The following CSMD1 variants were observed in gnomAD, a reference collection of about 807,000 sequenced individuals.
CSMD1 encodes CUB and Sushi multiple domains 1.
In CSMD1, 213 loss-of-function variants were observed where a neutral mutation model predicts 417.5. That is an observed-to-expected ratio of 0.51 (90% confidence interval 0.46 to 0.57). CSMD1 has a LOEUF of 0.57. CSMD1 is among the 20% of genes least tolerant of loss of function. CSMD1 has a pLI of 0.00. For missense variants in CSMD1, 6,923 were observed against 4,529.7 expected (o/e 1.53, Z -15.17); for synonymous variants, 2,862 against 1,736.8 (o/e 1.65, Z -16.11).
At chr8:3,107,877 T>C (rs866726741) in intron 44 of CSMD1, 79 bp from the exon 45 acceptor site, 9 of 906,692 alleles carry the variant, frequency 9.9e-6, no homozygotes, top group Middle Eastern at 4.8e-4. Flanking sequence ...AACATTCATC[T>C]TGCAGTTGTT....
intron 4 of CSMD1, among the ~76,000 whole-genome samples, chr8:4,013,620 G>A (rs1351206536): frequency 6.6e-6 from 1 of 152,134 alleles, no homozygotes. Flanking sequence ...CTTCTCATTT[G>A]CTTATTTATG....
intron 8 of CSMD1, among the ~76,000 whole-genome samples, chr8:3,616,161 G>T (rs1802126363): frequency 6.6e-6 from 1 of 152,084 alleles, no homozygotes; most frequent in Admixed American, 6.6e-5. Flanking sequence ...GTTTGGCTCT[G>T]TCCCCACGCA....
At chr8:3,302,181 G>A (rs1036703171) in intron 25 of CSMD1, among the ~76,000 whole-genome samples, 2 of 152,156 alleles carry the variant, frequency 1.3e-5, no homozygotes, top group African/African-American at 4.8e-5. Context: ...GAGGAGTTGG[G>A]AACACGTGAT....
Position 3,065,681 on chromosome 8 carries a change from T to G in CSMD1, c.7475-13034A>C, listed in dbSNP as rs552289880. Among the ~76,000 whole-genome samples, 251 of 152,298 alleles carry G rather than the reference T, an allele frequency of 1.6e-3. 3 individuals carry two copies. The highest frequency in any genetic ancestry group is 0.016 in the Admixed American group (249 of 15,296). On this transcript the variant is annotated intron_variant, in intron 49 of 69. Coordinates refer to ENST00000635120, the MANE Select transcript of CSMD1 (RefSeq NM_033225.6). ...TTGATTGATCAATCGCTAGGTTGAT[T>G]GGCAGGAAGACAGAGAAAGAAAGAT...
rs115738245 is a variant in CSMD1 at position 4,196,504 on chromosome 8, T to A, written c.416-164405A>T. Among the ~76,000 whole-genome samples, 898 of 152,286 alleles carry A rather than the reference T, an allele frequency of 5.9e-3. 11 individuals are homozygous for A. The highest frequency in any genetic ancestry group is 0.02 in the African/African-American group (840 of 41,532). On this transcript the variant is annotated intron_variant, in intron 3 of 69. Coordinates refer to ENST00000635120, the MANE Select transcript of CSMD1 (RefSeq NM_033225.6). ...CTTTTAGAATCCAGTTTGTTACATT[T>A]ATGGGGCCCACATTCCCATTTCCTT...
chr8:3,757,234 T>C (rs1797709464), intron 5 of CSMD1, among the ~76,000 whole-genome samples: 1 of 152,166 alleles, frequency 6.6e-6, no homozygotes, highest in Non-Finnish European at 1.5e-5. Flanking sequence ...ACAATGATAG[T>C]TTTGTGTCAG....
intron 7 of CSMD1, among the ~76,000 whole-genome samples, chr8:3,674,944 C>T (rs1314464975): frequency 6.6e-6 from 1 of 152,178 alleles, no homozygotes; most frequent in African/African-American, 2.4e-5. Flanking sequence ...CCCTAAGCCT[C>T]TGTAGGCCAA....
chr8:3,849,300 G>T (rs953509882), intron 5 of CSMD1, among the ~76,000 whole-genome samples: 2 of 152,078 alleles, frequency 1.3e-5, no homozygotes, highest in Non-Finnish European at 2.9e-5. Flanking sequence ...GATACAGGGC[G>T]GACTGGGAAG....
chr8:4,950,026 C>T (rs1186270364), intron 1 of CSMD1, among the ~76,000 whole-genome samples: 1 of 151,972 alleles, frequency 6.6e-6, no homozygotes, highest in African/African-American at 2.4e-5. Context: ...AGCAAAACAC[C>T]TTGATGAATA....
At chr8:3,883,331 C>A (rs1806331184) in intron 5 of CSMD1, among the ~76,000 whole-genome samples, 1 of 152,008 alleles carries the variant, frequency 6.6e-6, no homozygotes, top group Non-Finnish European at 1.5e-5. Context: ...ACACAATGTC[C>A]TGGACACTAA....
chr8:3,781,803 A>C (rs949687933), intron 5 of CSMD1, among the ~76,000 whole-genome samples: 3 of 152,220 alleles, frequency 2.0e-5, no homozygotes, highest in Non-Finnish European at 4.4e-5. Context: ...CTTTTAAAAA[A>C]GTTATGACTT....
intron 4 of CSMD1, among the ~76,000 whole-genome samples, chr8:3,998,761 G>A (rs1235302771): frequency 6.6e-6 from 1 of 151,574 alleles, no homozygotes; most frequent in Non-Finnish European, 1.5e-5. Context: ...AAAAATTATT[G>A]GTTAGAAAGG....
chr8:3,559,819 G>A (rs988798799), intron 10 of CSMD1, among the ~76,000 whole-genome samples: 5 of 152,042 alleles, frequency 3.3e-5, no homozygotes, highest in Non-Finnish European at 7.3e-5. Flanking sequence ...AGCTATGAGG[G>A]ATTAAAACAA....
At chr8:3,028,901 G>A (rs1281987577) in intron 51 of CSMD1, among the ~76,000 whole-genome samples, 1 of 152,120 alleles carries the variant, frequency 6.6e-6, no homozygotes, top group Non-Finnish European at 1.5e-5. Flanking sequence ...TTGTACCTAA[G>A]AGAATAATCA....
At chr8:4,236,955 G>T (rs1410821488) in intron 3 of CSMD1, among the ~76,000 whole-genome samples, 1 of 152,180 alleles carries the variant, frequency 6.6e-6, no homozygotes, top group Non-Finnish European at 1.5e-5. Context: ...AGTTTCCTCA[G>T]GAAGCAGTTA....
rs566024298 is a variant in CSMD1, at chr8:4,366,356, G to T, written c.415+53597C>A. 2.0e-5 allele frequency among the ~76,000 whole-genome samples: 3 copies of T among 151,818 alleles called. No homozygotes were observed. In the South Asian group the frequency reaches 6.2e-4, roughly 32 times the overall value. On this transcript the variant is annotated intron_variant, in intron 3 of 69. Transcript: ENST00000635120. ...TGGTGAACATCGTGGCTGATTCCAC[G>T]TGTTTACCATTGAGAATAGCACTGC...
At chr8:3,396,662 A>G (rs1013211454) in intron 16 of CSMD1, among the ~76,000 whole-genome samples, 1 of 152,168 alleles carries the variant, frequency 6.6e-6, no homozygotes, top group Non-Finnish European at 1.5e-5. Flanking sequence ...AAATACTATG[A>G]ACCAGATTAG....
intron 1 of CSMD1, among the ~76,000 whole-genome samples, chr8:4,922,976 C>A (rs2117152042): frequency 6.6e-6 from 1 of 152,290 alleles, no homozygotes; most frequent in Non-Finnish European, 1.5e-5. Flanking sequence ...GAAATACTCA[C>A]ATTAATGTGA....
intron 1 of CSMD1, among the ~76,000 whole-genome samples, chr8:4,946,271 T>G (rs767161374): frequency 6.6e-6 from 1 of 152,190 alleles, no homozygotes; most frequent in African/African-American, 2.4e-5. Context: ...TCTTGTGAGA[T>G]GAAGAAAGCT....
Sources: allele counts gnomAD v4.1 joint callset (sites outside exome capture counted in the v4.1 genomes callset), GRCh38; gene constraint gnomAD v4.1.1; transcripts MANE v1.5; gene names NCBI Gene and HGNC (gene_info 2026-07-23, HGNC 2026-07-21).